The following SYNDIG1 variants were observed in gnomAD, a reference collection of about 807,000 sequenced individuals.
SYNDIG1 encodes synapse differentiation inducing 1, also known as synapse differentiation-inducing gene protein 1.
A neutral mutation model predicts 19.4 loss-of-function variants in SYNDIG1; 9 were observed. The ratio of observed to expected loss-of-function variants is 0.46; its 90% CI spans 0.28 to 0.81. The LOEUF (loss-of-function observed/expected upper bound fraction) is 0.81, where lower values mean the gene tolerates loss of function less well. Among genes scored for constraint, SYNDIG1 ranks in the 30% least tolerant of loss-of-function variants. The pLI is 0.12. For synonymous variants in SYNDIG1, 141 were observed against 145.9 expected (o/e 0.97, Z 0.24); for missense variants, 311 against 343.3 (o/e 0.91, Z 0.74).
intron 1 of SYNDIG1, among the ~76,000 whole-genome samples, chr20:24,470,226 C>T (rs1466044028): frequency 6.6e-6 from 1 of 152,196 alleles, no homozygotes; most frequent in Admixed American, 6.5e-5. Context: ...GGAGACCAGC[C>T]AGGGCTGGTG....
chr20:24,633,496 G>A (rs1160966192), intron 3 of SYNDIG1, among the ~76,000 whole-genome samples: 1 of 152,152 alleles, frequency 6.6e-6, no homozygotes, highest in Non-Finnish European at 1.5e-5. Flanking sequence ...TCACGGGGGG[G>A]AATGTTCCAA....
intron 2 of SYNDIG1, among the ~76,000 whole-genome samples, chr20:24,567,808 G>A (rs1331016827): frequency 6.6e-6 from 1 of 152,170 alleles, no homozygotes; most frequent in Non-Finnish European, 1.5e-5. Flanking sequence ...CGTATGATGG[G>A]GGCACCATCC....
chr20:24,532,717 C>T (rs2057284968), intron 1 of SYNDIG1, among the ~76,000 whole-genome samples: 1 of 152,236 alleles, frequency 6.6e-6, no homozygotes, highest in Admixed American at 6.5e-5. Context: ...CCGTGAGCAT[C>T]CATGCATGGC....
At chr20:24,517,676 GTATATGTATATATATATACACATATA>G (rs1194616901) in intron 1 of SYNDIG1, among the ~76,000 whole-genome samples, 2 of 141,712 alleles carry the variant, frequency 1.4e-5, no homozygotes, top group Non-Finnish European at 3.0e-5. Flanking sequence ...ATATATATGT[GTATATGTATATATATATACACATATA>G]TATGTGTATA....
At chr20:24,489,336 TCATGCACACACACACAAGATACATG>T (rs2056074266) in intron 1 of SYNDIG1, among the ~76,000 whole-genome samples, 1 of 148,624 alleles carries the variant, frequency 6.7e-6, no homozygotes, top group Admixed American at 6.7e-5. Flanking sequence ...ACATATAGAT[TCATGCACACACACACAAGATACATG>T]CATGCACACA....
chr20:24,550,301 G>T (rs1568633100), intron 2 of SYNDIG1, among the ~76,000 whole-genome samples: 1 of 152,180 alleles, frequency 6.6e-6, no homozygotes, highest in Non-Finnish European at 1.5e-5. Flanking sequence ...GCATGGTGTA[G>T]ATGTCTCTCT....
intron 3 of SYNDIG1, among the ~76,000 whole-genome samples, chr20:24,634,133 G>A (rs1021174968): frequency 6.6e-6 from 1 of 152,128 alleles, no homozygotes; most frequent in African/African-American, 2.4e-5. Context: ...CTCCTCCAGG[G>A]GGACCCCGTC....
intron 1 of SYNDIG1, among the ~76,000 whole-genome samples, chr20:24,526,650 T>C (rs2057129997): frequency 6.6e-6 from 1 of 152,232 alleles, no homozygotes; most frequent in South Asian, 2.1e-4. Flanking sequence ...CGTGAGTTTG[T>C]GTGCTCATAA....
rs143027319 is a variant in SYNDIG1 at position 24,587,305 on chromosome 20, A to G, written c.618+2312A>G. ...AAAACTACAACAGAGAAGAGGTGCT[A>G]ACACTTTTATAAAGATACCTGTGGA... On this transcript the variant is annotated intron_variant, in intron 3 of 3. Transcript: ENST00000376862. Among the ~76,000 whole-genome samples, 23 of 152,286 alleles carry G rather than the reference A, an allele frequency of 1.5e-4. No homozygotes were observed. In the East Asian group the frequency reaches 3.1e-3, roughly 21 times the overall value.
At chr20:24,574,193 T>C (rs917601212) in intron 2 of SYNDIG1, among the ~76,000 whole-genome samples, 2 of 152,048 alleles carry the variant, frequency 1.3e-5, no homozygotes, top group African/African-American at 4.8e-5. Flanking sequence ...AATGCGTTTG[T>C]TAGGCGGGGC....
At chr20:24,487,487 C>CT (rs1420691263) in intron 1 of SYNDIG1, among the ~76,000 whole-genome samples, 1 of 152,106 alleles carries the variant, frequency 6.6e-6, no homozygotes, top group African/African-American at 2.4e-5. Flanking sequence ...TCCTCCATCT[C>CT]TAAGTGAGAG....
intron 3 of SYNDIG1, among the ~76,000 whole-genome samples, chr20:24,601,675 C>G (rs997912799): frequency 6.6e-6 from 1 of 152,122 alleles, no homozygotes; most frequent in Admixed American, 6.6e-5. Context: ...AGAAATACTT[C>G]AAAATGACAA....
At chr20:24,552,829 A>G (rs971359562) in intron 2 of SYNDIG1, among the ~76,000 whole-genome samples, 1 of 152,212 alleles carries the variant, frequency 6.6e-6, no homozygotes, top group African/African-American at 2.4e-5. Flanking sequence ...ATACCCGGTA[A>G]TGGGATGGCT....
At chr20:24,503,844 A>C (rs912949906) in intron 1 of SYNDIG1, among the ~76,000 whole-genome samples, 1 of 151,922 alleles carries the variant, frequency 6.6e-6, no homozygotes, top group Admixed American at 6.6e-5. Context: ...TGCCACCCCC[A>C]GCGCCTACTG....
intron 2 of SYNDIG1, among the ~76,000 whole-genome samples, chr20:24,569,883 A>T (rs1003514324): frequency 1.3e-5 from 2 of 152,160 alleles, no homozygotes; most frequent in Non-Finnish European, 2.9e-5. Flanking sequence ...TAGTTGTAGA[A>T]CCTAAGTGAT....
chr20:24,632,936 G>T (rs1180760460), intron 3 of SYNDIG1, among the ~76,000 whole-genome samples: 1 of 150,494 alleles, frequency 6.6e-6, no homozygotes, highest in African/African-American at 2.4e-5. Context: ...TACTGCCATA[G>T]ATTATGTGAA....
intron 2 of SYNDIG1, among the ~76,000 whole-genome samples, chr20:24,560,875 C>CA (rs373604713): frequency 0.25 from 34,968 of 141,682 alleles, 4,333 homozygotes; most frequent in Admixed American, 0.34. Flanking sequence ...TTCTAAAAAA[C>CA]AAAAAAAAAA....
chr20:24,533,288 C>T (rs1445058776), intron 1 of SYNDIG1, among the ~76,000 whole-genome samples: 2 of 152,136 alleles, frequency 1.3e-5, no homozygotes, highest in African/African-American at 4.8e-5. Context: ...GGCTGGGAGG[C>T]CTTCCAGCTC....
At chr20:24,527,533 C>CTTTTA (rs2057152699) in intron 1 of SYNDIG1, among the ~76,000 whole-genome samples, 1 of 145,108 alleles carries the variant, frequency 6.9e-6, no homozygotes, top group African/African-American at 2.6e-5. Context: ...CCTTTCTTTT[C>CTTTTA]TTTTCTTTCC....
Sources: allele counts gnomAD v4.1 joint callset (sites outside exome capture counted in the v4.1 genomes callset), GRCh38; gene constraint gnomAD v4.1.1; transcripts MANE v1.5; gene names NCBI Gene and HGNC (gene_info 2026-07-23, HGNC 2026-07-21).